LRCH2: variants seen among roughly 807,000 people sequenced by gnomAD.
LRCH2 encodes the protein leucine rich repeats and calponin homology domain containing 2.
LRCH2 carries 38 observed loss-of-function variants against 68.9 expected under a neutral mutation model. That is an observed-to-expected ratio of 0.55 (90% CI 0.43 to 0.72). LRCH2 has a LOEUF of 0.72. Among genes scored for constraint, LRCH2 ranks in the 30% least tolerant of loss-of-function variants. The pLI is 0.00. For synonymous variants in LRCH2, 191 were observed against 208.1 expected (o/e 0.92, Z 0.71); for missense variants, 528 against 572.9 (o/e 0.92, Z 0.80).
rs144624657 is a variant in LRCH2, at chrX:115,141,559, T to C, written c.1695+8268A>G. On this transcript the variant is annotated intron_variant, in intron 14 of 20. Coordinates refer to ENST00000317135, the MANE Select transcript of LRCH2 (RefSeq NM_020871.4). ...AGCAGAGTGGTGACTTTGAATAGAA[T>C]TGGAGGCAGGTTTCCCCTAAGCAGT... Among the ~76,000 whole-genome samples, 935 of 110,506 alleles carry C rather than the reference T, an allele frequency of 8.5e-3. 13 individuals are homozygous for C. The highest frequency in any genetic ancestry group is 0.03 in the African/African-American group (903 of 30,325).
rs6644207 is a variant in LRCH2, at chrX:115,186,323, G to T, written c.495-1786C>A. On this transcript the variant is annotated intron_variant, in intron 2 of 20. Transcript: ENST00000317135. ...AGCCAAGATGGTGCCACTCCACCCT[G>T]GGAGACAGAGCAAGACTCCGTCTAA... 2.1e-3 allele frequency among the ~76,000 whole-genome samples: 223 copies of T among 106,750 alleles called. 1 individual carries two copies. In the East Asian group the frequency reaches 0.054, roughly 26 times the overall value. The allele number at this position is 106,750 out of a possible 115,157, so 92.7% of individuals were successfully genotyped here.
chrX:115,186,757 T>C (rs1556554583), intron 2 of LRCH2, among the ~76,000 whole-genome samples: 1 of 109,321 alleles, frequency 9.1e-6, no homozygotes, highest in African/African-American at 3.3e-5. Context: ...TTATACCTAC[T>C]TAGAGAAAGG....
intron 15 of LRCH2, among the ~76,000 whole-genome samples, chrX:115,129,260 C>A (rs1260552553): frequency 1.8e-5 from 2 of 110,808 alleles, no homozygotes; most frequent in Admixed American, 9.7e-5. Flanking sequence ...GTAGGCCATT[C>A]CCTGGGAATA....
intron 1 of LRCH2, among the ~76,000 whole-genome samples, chrX:115,201,094 C>T (rs782656627): frequency 5.4e-4 from 60 of 111,334 alleles, no homozygotes; most frequent in Non-Finnish European, 9.6e-4. Flanking sequence ...GAGCAAGTCA[C>T]ATCTTACATG....
rs1556522563 is a variant in LRCH2 at position 115,110,923 on chromosome X, A to G, written c.*2293T>C. 8.9e-6 allele frequency: 1 copy of G among 112,072 alleles called. No individual in the cohort carries two copies. The highest frequency in any genetic ancestry group is 3.2e-5 in the African/African-American group (1 of 30,860). The allele number at this position is 112,072 out of a possible 1,213,427, so 9.2% of individuals were successfully genotyped here. ...ATCTATTAAATTTTGGGGGCCTAAT[A>G]AAATATTTTTGATTATTCAACTGTC... On this transcript the variant is annotated 3_prime_UTR_variant, in exon 21 of 21. Coordinates refer to ENST00000317135, the MANE Select transcript of LRCH2 (RefSeq NM_020871.4).
intron 14 of LRCH2, among the ~76,000 whole-genome samples, chrX:115,135,857 TGTGA>T (rs2072285916): frequency 8.9e-6 from 1 of 112,153 alleles, no homozygotes; most frequent in South Asian, 3.7e-4. Context: ...CTCAGATAAT[TGTGA>T]GTAATTTTTA....
Position 115,234,071 on chromosome X carries a change from A to G in LRCH2, c.-30T>C, listed in dbSNP as rs1556579575. The G allele has an allele frequency of 8.6e-7, 1 of 1,156,402 alleles. No homozygotes were observed. On this transcript the variant is annotated 5_prime_UTR_variant, in exon 1 of 21. Coordinates refer to ENST00000317135, the MANE Select transcript of LRCH2 (RefSeq NM_020871.4). ...CTGGGAGAGAGAATAGCCCCCGACAATACTGTCAGCCTGTGCCGCGAGTGT... is the reference window on the plus strand; with the variant it reads ...CTGGGAGAGAGAATAGCCCCCGACAGTACTGTCAGCCTGTGCCGCGAGTGT...
At chrX:115,114,812 AACAC>A (rs1267953410) in intron 20 of LRCH2, among the ~76,000 whole-genome samples, 2 of 110,924 alleles carry the variant, frequency 1.8e-5, no homozygotes, top group East Asian at 5.6e-4. Flanking sequence ...AAGGCACAGA[AACAC>A]ACACAAAAAA....
At chrX:115,197,624 T>C (rs950803716) in intron 1 of LRCH2, among the ~76,000 whole-genome samples, 14 of 109,308 alleles carry the variant, frequency 1.3e-4, no homozygotes, top group Non-Finnish European at 2.5e-4. Context: ...TGGTGGCACA[T>C]GCTTGTAATC....
At chrX:115,142,568 G>C (rs1569512988) in intron 14 of LRCH2, among the ~76,000 whole-genome samples, 1 of 111,848 alleles carries the variant, frequency 8.9e-6, no homozygotes, top group Non-Finnish European at 1.9e-5. Flanking sequence ...ATATGCTCCT[G>C]AATGACCAGT....
intron 1 of LRCH2, among the ~76,000 whole-genome samples, chrX:115,203,534 T>C (rs2072944141): frequency 8.9e-6 from 1 of 112,544 alleles, no homozygotes; most frequent in Admixed American, 9.4e-5. Flanking sequence ...TTACTTCCTA[T>C]ATACAATGGG....
intron 1 of LRCH2, among the ~76,000 whole-genome samples, chrX:115,206,568 C>T (rs1603092982): frequency 1.8e-5 from 2 of 112,335 alleles, no homozygotes; most frequent in East Asian, 5.6e-4. Flanking sequence ...TATTTCAGCC[C>T]ATCCCTTTGT....
Position 115,127,036 on chromosome X carries a change from T to C in LRCH2, c.1741-143A>G, listed in dbSNP as rs2147349818. 3 of 363,487 alleles carry C rather than the reference T, an allele frequency of 8.3e-6. No homozygotes were observed. In the East Asian group the frequency reaches 1.5e-4, roughly 18 times the overall value. 30.0% of individuals were successfully genotyped at this position (363,487 alleles called of 1,213,427 possible). ...TATGCCATCCAGCACATTGCCACTC[T>C]ACATGTGGTCTGTAAACCAGCAGCA... On this transcript the variant is annotated intron_variant, in intron 15 of 20. Transcript: ENST00000317135.
At chrX:115,122,455 TA>T in intron 20 of LRCH2, 71 bp downstream of exon 20, 1 of 887,610 alleles carries the variant, frequency 1.1e-6, no homozygotes, top group Non-Finnish European at 1.6e-6. Context: ...TTCATTGCTC[TA>T]AGAAGAACCC....
intron 1 of LRCH2, among the ~76,000 whole-genome samples, chrX:115,200,077 A>C (rs1212119977): frequency 8.9e-6 from 1 of 112,392 alleles, no homozygotes; most frequent in African/African-American, 3.2e-5. Context: ...AAAGATTAAA[A>C]ATTTTTTGAA....
At chrX:115,153,794 C>A (rs782044368) in intron 12 of LRCH2, among the ~76,000 whole-genome samples, 1 of 109,525 alleles carries the variant, frequency 9.1e-6, no homozygotes, top group Non-Finnish European at 1.9e-5. Context: ...AATAAGCCCA[C>A]AAAGGAAATA....
At chrX:115,221,766 G>A (rs782818124) in intron 1 of LRCH2, among the ~76,000 whole-genome samples, 5 of 110,961 alleles carry the variant, frequency 4.5e-5, no homozygotes, top group Admixed American at 2.9e-4. Context: ...GCATACTAGG[G>A]TGAAGGAAAT....
At chrX:115,145,765 C>T (rs782568105) in intron 14 of LRCH2, among the ~76,000 whole-genome samples, 6 of 111,528 alleles carry the variant, frequency 5.4e-5, no homozygotes, top group Admixed American at 3.8e-4. Context: ...GTTAAAGTGG[C>T]TTATATCCAA....
At chrX:115,208,786 G>A (rs2072987019) in intron 1 of LRCH2, among the ~76,000 whole-genome samples, 1 of 112,043 alleles carries the variant, frequency 8.9e-6, no homozygotes, top group Admixed American at 9.5e-5. Context: ...TTAAACTTAA[G>A]TTTAAGTGCT....
Sources: allele counts gnomAD v4.1 joint callset (sites outside exome capture counted in the v4.1 genomes callset), GRCh38; gene constraint gnomAD v4.1.1; transcripts MANE v1.5; gene names NCBI Gene and HGNC (gene_info 2026-07-23, HGNC 2026-07-21).